Variants in AGBL4 observed in about 807,000 individuals in gnomAD.
AGBL4 encodes AGBL carboxypeptidase 4, also known as cytosolic carboxypeptidase 6.
A neutral mutation model predicts 66.4 loss-of-function variants in AGBL4; 58 were observed. That is an observed-to-expected ratio of 0.87 (90% CI 0.71 to 1.09). The LOEUF (loss-of-function observed/expected upper bound fraction) is 1.09, where lower values mean the gene tolerates loss of function less well. Ranked by LOEUF, AGBL4 falls within the 50% of genes least tolerant of loss-of-function variation. The probability of loss-of-function intolerance (pLI) is 0.00; values close to 1 mark genes in which losing one functional copy is unlikely to be tolerated. For missense variants in AGBL4, 579 were observed against 631.0 expected (o/e 0.92, Z 0.88); for synonymous variants, 234 against 222.9 (o/e 1.05, Z -0.44).
the AGBL4 span, among the ~76,000 whole-genome samples, chr1:48,524,783 T>A: frequency 6.6e-6 from 1 of 151,876 alleles, no homozygotes; most frequent in Admixed American, 6.6e-5. Flanking sequence ...CACACACACA[T>A]ACATTCAAAT....
intron 2 of AGBL4, among the ~76,000 whole-genome samples, chr1:49,740,933 C>T (rs1289223914): frequency 1.3e-5 from 2 of 152,044 alleles, no homozygotes; most frequent in Non-Finnish European, 2.9e-5. Context: ...CACTAAATGC[C>T]CAGGAGAGAA....
At chr1:49,430,354 C>T (rs1041470785) in intron 3 of AGBL4, among the ~76,000 whole-genome samples, 6 of 152,102 alleles carry the variant, frequency 3.9e-5, no homozygotes, top group Admixed American at 1.3e-4. Flanking sequence ...GAAAAATACC[C>T]GGTACTTATT....
intron 4 of AGBL4, among the ~76,000 whole-genome samples, chr1:49,193,427 T>A (rs565587414): frequency 9.7e-4 from 147 of 152,222 alleles, no homozygotes; most frequent in Non-Finnish European, 1.3e-3. Flanking sequence ...AATTTTTTTT[T>A]AATTTCTATA....
At position 48,728,101 on chromosome 1, in the gene AGBL4, T is replaced by C. The variant is rs531320711; in HGVS notation, c.635-64860A>G. On this transcript the variant is annotated intron_variant, in intron 6 of 13. Transcript: ENST00000371839. ...AATGGTGAATTCAAGTAAAAATCTTTTAAGGAGGGTAAAAGAAAATGTACC... is the reference window on the plus strand; with the variant it reads ...AATGGTGAATTCAAGTAAAAATCTTCTAAGGAGGGTAAAAGAAAATGTACC... The C allele has an allele frequency of 6.7e-5, 100 of 1,490,128 alleles. No homozygotes were observed. In the South Asian group the frequency reaches 1.3e-3, roughly 19 times the overall value. The allele number at this position is 1,490,128 out of a possible 1,614,324, so 92.3% of individuals were successfully genotyped here.
At chr1:49,657,239 A>G (rs1469170650) in intron 3 of AGBL4, among the ~76,000 whole-genome samples, 1 of 152,232 alleles carries the variant, frequency 6.6e-6, no homozygotes, top group African/African-American at 2.4e-5. Flanking sequence ...CCAAATCATG[A>G]GTGAACTCCC....
intron 11 of AGBL4, among the ~76,000 whole-genome samples, chr1:48,567,536 G>A (rs1644495972): frequency 2.0e-5 from 3 of 152,198 alleles, no homozygotes; most frequent in Admixed American, 6.5e-5. Flanking sequence ...CAGACACAGT[G>A]CTGCAGTCAA....
At chr1:48,842,540 A>G (rs1464557006) in intron 6 of AGBL4, among the ~76,000 whole-genome samples, 3 of 152,198 alleles carry the variant, frequency 2.0e-5, no homozygotes, top group Non-Finnish European at 4.4e-5. Context: ...GACATAAGAG[A>G]GAGAAGAGAA....
chr1:48,929,724 A>G (rs2040069), intron 5 of AGBL4, among the ~76,000 whole-genome samples: 14,061 of 152,176 alleles, frequency 0.092, 744 homozygotes, highest in Non-Finnish European at 0.11. Context: ...CCACTCCTTT[A>G]TAGGTTATCC....
At chr1:48,574,107 T>C (rs1184549918) in intron 11 of AGBL4, among the ~76,000 whole-genome samples, 1 of 152,234 alleles carries the variant, frequency 6.6e-6, no homozygotes, top group Non-Finnish European at 1.5e-5. Context: ...TTCTCAATCA[T>C]ATGGCTGATT....
chr1:49,776,416 C>T (rs1644198558), intron 2 of AGBL4, among the ~76,000 whole-genome samples: 1 of 152,062 alleles, frequency 6.6e-6, no homozygotes, highest in Non-Finnish European at 1.5e-5. Context: ...CTAGTGATTT[C>T]CTTCTTAAGA....
chr1:49,122,152 C>G (rs1463129714), intron 4 of AGBL4, among the ~76,000 whole-genome samples: 2 of 152,206 alleles, frequency 1.3e-5, no homozygotes, highest in Admixed American at 6.5e-5. Context: ...AATCCCTCAA[C>G]CCCTTGCACT....
At chr1:50,017,780 A>AT (rs1662104165) in intron 1 of AGBL4, among the ~76,000 whole-genome samples, 3 of 152,132 alleles carry the variant, frequency 2.0e-5, no homozygotes, top group Non-Finnish European at 4.4e-5. Context: ...CACCTGTTGG[A>AT]TACTATGCTT....
intron 1 of AGBL4, among the ~76,000 whole-genome samples, chr1:49,965,311 T>C (rs1657464401): frequency 6.6e-6 from 1 of 152,156 alleles, no homozygotes; most frequent in African/African-American, 2.4e-5. Context: ...TTATCCTCCC[T>C]CTGGTCTTCT....
At chr1:49,405,129 C>T (rs1447097973) in intron 3 of AGBL4, among the ~76,000 whole-genome samples, 1 of 152,112 alleles carries the variant, frequency 6.6e-6, no homozygotes. Context: ...CCCAAGTCAC[C>T]CTCACCTCCA....
chr1:49,620,126 C>A (rs1645329920), intron 3 of AGBL4, among the ~76,000 whole-genome samples: 2 of 152,066 alleles, frequency 1.3e-5, no homozygotes, highest in South Asian at 4.1e-4. Context: ...AAAATGGGAT[C>A]TAATTAAACT....
intron 6 of AGBL4, among the ~76,000 whole-genome samples, chr1:48,675,728 C>G (rs1646354185): frequency 6.6e-6 from 1 of 152,160 alleles, no homozygotes; most frequent in African/African-American, 2.4e-5. Flanking sequence ...AGAACAGTGA[C>G]CATTAGAGCT....
At chr1:49,019,920 C>A in intron 5 of AGBL4, among the ~76,000 whole-genome samples, 1 of 152,170 alleles carries the variant, frequency 6.6e-6, no homozygotes, top group African/African-American at 2.4e-5. Context: ...AGGGCGCACG[C>A]TTTAAAAGGC....
At chr1:48,887,738 G>GA (rs879787196) in intron 5 of AGBL4, among the ~76,000 whole-genome samples, 4,160 of 152,168 alleles carry the variant, frequency 0.027, 174 homozygotes, top group African/African-American at 0.096. Context: ...TTTCCCAGGA[G>GA]ACAAGCCACA....
intron 3 of AGBL4, among the ~76,000 whole-genome samples, chr1:49,321,420 T>C (rs545824479): frequency 3.0e-4 from 45 of 152,314 alleles, no homozygotes; most frequent in Non-Finnish European, 4.6e-4. Flanking sequence ...TTAAAAAGCA[T>C]GATAATGTTA....
Sources: gnomAD v4.1 joint callset for allele counts (sites outside exome capture counted in the v4.1 genomes callset) on GRCh38, gnomAD v4.1.1 for gene constraint, MANE v1.5 for transcripts, NCBI Gene and HGNC (gene_info 2026-07-23, HGNC 2026-07-21) for gene names.